Variants in TSPAN2 observed in about 807,000 individuals in gnomAD.
TSPAN2 encodes tetraspanin-2.
Under a neutral mutation model 33.3 loss-of-function variants are expected in TSPAN2, and 24 were observed. The ratio of observed to expected loss-of-function variants is 0.72; its 90% CI spans 0.52 to 1.01. TSPAN2 has a LOEUF of 1.01. TSPAN2 is among the 50% of genes least tolerant of loss of function. TSPAN2 has a pLI of 0.00. For synonymous variants in TSPAN2, 114 were observed against 104.5 expected, an observed-to-expected ratio of 1.09 and a Z score of -0.56; for missense variants, 278 against 281.3, an observed-to-expected ratio of 0.99 and a Z score of 0.08.
In TSPAN2 at chr1:115,089,484, G is replaced by A. The variant is rs952453200; in HGVS notation, c.-52C>T. ...GTCCCCAGGCCCGCGCTACGAGCGC[G>A]GGGAGCGGCAGGCTCCGGCGGGGAG... On this transcript the variant is annotated 5_prime_UTR_variant, in exon 1 of 8. Coordinates refer to ENST00000369516, the MANE Select transcript of TSPAN2 (RefSeq NM_005725.6). 5.9e-6 allele frequency: 8 copies of A among 1,363,552 alleles called. No individual in the cohort carries two copies. Among genetic ancestry groups the A allele is most frequent in the South Asian group, 3.5e-5 (2 of 57,782 alleles). The allele number at this position is 1,363,552 out of a possible 1,614,324, so 84.5% of individuals were successfully genotyped here.
chr1:115,086,394 T>A (rs1648838018), intron 1 of TSPAN2, among the ~76,000 whole-genome samples: 1 of 152,240 alleles, frequency 6.6e-6, no homozygotes, highest in Non-Finnish European at 1.5e-5. Context: ...CCCCTTGCTC[T>A]GCTCCTCTGC....
intron 2 of TSPAN2, among the ~76,000 whole-genome samples, chr1:115,070,921 C>A (rs1648145491): frequency 6.6e-6 from 1 of 152,096 alleles, no homozygotes; most frequent in South Asian, 2.1e-4. Context: ...GACAGCAGAG[C>A]CCAGGACTGT....
chr1:115,065,991 A>G (rs989641115), intron 2 of TSPAN2, among the ~76,000 whole-genome samples: 5 of 152,196 alleles, frequency 3.3e-5, no homozygotes, highest in African/African-American at 1.2e-4. Context: ...GAGTGAGATC[A>G]TGTGATATCT....
chr1:115,088,493 A>G (rs1317092743), intron 1 of TSPAN2, among the ~76,000 whole-genome samples: 1 of 152,212 alleles, frequency 6.6e-6, no homozygotes, highest in Admixed American at 6.5e-5. Context: ...ACAGTCCTGC[A>G]GGCCCTGGGA....
intron 6 of TSPAN2, among the ~76,000 whole-genome samples, chr1:115,055,210 C>A (rs1647345889): frequency 6.6e-6 from 1 of 152,144 alleles, no homozygotes; most frequent in Admixed American, 6.5e-5. Context: ...CTAGTTCTGC[C>A]ATTAGGCCCT....
chr1:115,058,979 A>T lies in TSPAN2; in HGVS notation c.348T>A (p.Ala116=), dbSNP rs1314561130. The change falls in exon 5 of 8, where the codon GCT becomes GCA. Residue 116 remains alanine, a splice_region_variant and synonymous_variant. Transcript: ENST00000369516. ...CATACATGGTCTGAACATGTCGGATAGCCTGAAGAAATACAAGGAAAAATG... is the reference window on the plus strand; with the variant it reads ...CATACATGGTCTGAACATGTCGGATTGCCTGAAGAAATACAAGGAAAAATG... ...GVFAFIGKGV[A]IRHVQTMYEE... 1 of 1,611,098 alleles carries T rather than the reference A, an allele frequency of 6.2e-7. No homozygotes were observed. The highest frequency in any genetic ancestry group is 8.5e-7 in the Non-Finnish European group (1 of 1,178,696).
intron 5 of TSPAN2, 82 bp from the exon 6 acceptor site, chr1:115,057,690 T>A: frequency 7.2e-7 from 1 of 1,382,662 alleles, no homozygotes; most frequent in African/African-American, 1.4e-5. Flanking sequence ...AGGACTGGGG[T>A]GCCGAGGCGG....
Position 115,062,198 on chromosome 1 carries a change from C to A in TSPAN2, c.207G>T (p.Met69Ile). 1 of 1,598,848 alleles carries A rather than the reference C, an allele frequency of 6.3e-7. No individual in the cohort carries two copies. Among genetic ancestry groups the A allele is most frequent in the Non-Finnish European group, 8.5e-7 (1 of 1,172,602 alleles). ...LYVLVGAGAL[M>I]MAVGFFGCCG... ...AGCACCCGAAGAACCCCACGGCCAT[C>A]ATCAGGGCCCCGGCTCCAACCAGAA... Residue 69 changes from methionine (M) to isoleucine (I), a missense_variant, in exon 3 of 8, where the codon ATG (methionine) becomes ATT (isoleucine). Physicochemically the swap from Met to Ile is conservative, Grantham distance 10. Coordinates refer to ENST00000369516, the MANE Select transcript of TSPAN2 (RefSeq NM_005725.6).
intron 1 of TSPAN2, among the ~76,000 whole-genome samples, chr1:115,084,026 T>C (rs535156697): frequency 6.6e-6 from 1 of 152,320 alleles, no homozygotes; most frequent in East Asian, 1.9e-4. Flanking sequence ...ATCTCTCCTT[T>C]TGACTCCATG....
intron 1 of TSPAN2, among the ~76,000 whole-genome samples, chr1:115,083,732 C>T (rs1648723489): frequency 6.6e-6 from 1 of 152,190 alleles, no homozygotes; most frequent in Admixed American, 6.5e-5. Flanking sequence ...CACTTAGTAG[C>T]ACAGAAGTGG....
intron 1 of TSPAN2, among the ~76,000 whole-genome samples, chr1:115,080,429 C>A (rs1281530991): frequency 6.6e-6 from 1 of 152,140 alleles, no homozygotes; most frequent in Non-Finnish European, 1.5e-5. Flanking sequence ...TGTGCAACCA[C>A]ATCCAGCTAT....
At chr1:115,065,665 C>T (rs1326050071) in intron 2 of TSPAN2, among the ~76,000 whole-genome samples, 3 of 152,102 alleles carry the variant, frequency 2.0e-5, no homozygotes, top group African/African-American at 7.2e-5. Flanking sequence ...GGTACATATG[C>T]TATTTCAATG....
At chr1:115,075,768 T>C (rs754332849) in intron 1 of TSPAN2, among the ~76,000 whole-genome samples, 2 of 152,186 alleles carry the variant, frequency 1.3e-5, no homozygotes, top group African/African-American at 2.4e-5. Context: ...CCACATTCTC[T>C]CTTCTCCCTT....
At chr1:115,064,167 GT>G (rs933091469) in intron 2 of TSPAN2, among the ~76,000 whole-genome samples, 8 of 152,196 alleles carry the variant, frequency 5.3e-5, no homozygotes, top group African/African-American at 1.9e-4. Context: ...TATTATTTCT[GT>G]TTTACAAATG....
chr1:115,082,422 T>G (rs555967915), intron 1 of TSPAN2, among the ~76,000 whole-genome samples: 58 of 152,354 alleles, frequency 3.8e-4, no homozygotes, highest in African/African-American at 1.4e-3. Context: ...TTTTCTCATA[T>G]GTAAACTGGG....
At chr1:115,052,534 G>A (rs1425237235) in intron 7 of TSPAN2, among the ~76,000 whole-genome samples, 1 of 152,054 alleles carries the variant, frequency 6.6e-6, no homozygotes, top group African/African-American at 2.4e-5. Flanking sequence ...TAAGGGTGAA[G>A]CCCACCCTTT....
chr1:115,064,149 GC>G (rs921556715), intron 2 of TSPAN2, among the ~76,000 whole-genome samples: 28 of 152,320 alleles, frequency 1.8e-4, no homozygotes, highest in African/African-American at 6.3e-4. Context: ...GGTTAGGTAA[GC>G]AAGGACTATT....
At chr1:115,074,581 A>C (rs896526426) in intron 1 of TSPAN2, among the ~76,000 whole-genome samples, 3 of 152,228 alleles carry the variant, frequency 2.0e-5, no homozygotes, top group African/African-American at 2.4e-5. Context: ...GTGGCATGTC[A>C]TGGAAACATA....
chr1:115,054,147 T>C (rs1007919611), intron 6 of TSPAN2, among the ~76,000 whole-genome samples: 2 of 152,190 alleles, frequency 1.3e-5, no homozygotes, highest in Admixed American at 1.3e-4. Flanking sequence ...TAACTATTAT[T>C]AGTTTCTCCA....
Sources: allele counts gnomAD v4.1 joint callset (sites outside exome capture counted in the v4.1 genomes callset), GRCh38; gene constraint gnomAD v4.1.1; transcripts MANE v1.5; gene names NCBI Gene and HGNC (gene_info 2026-07-23, HGNC 2026-07-21).